Variants in FRAS1 observed in about 807,000 individuals in gnomAD.
FRAS1 encodes extracellular matrix organizing protein FRAS1.
A neutral mutation model predicts 435.2 loss-of-function variants in FRAS1; 290 were observed. The observed-to-expected ratio is 0.67, with a 90% confidence interval of 0.61 to 0.73. The LOEUF (loss-of-function observed/expected upper bound fraction) is 0.73. FRAS1 is among the 30% of genes least tolerant of loss of function. The probability of loss-of-function intolerance (pLI) is 0.00; values close to 1 mark genes in which losing one functional copy is unlikely to be tolerated. For missense variants in FRAS1, 4,860 were observed against 5,001.5 expected (o/e 0.97, Z 0.85); for synonymous variants, 1,800 against 1,851.0 (o/e 0.97, Z 0.71).
intron 32 of FRAS1, among the ~76,000 whole-genome samples, chr4:78,415,213 A>G (rs1733503729): frequency 6.6e-6 from 1 of 152,146 alleles, no homozygotes; most frequent in Admixed American, 6.6e-5. Flanking sequence ...TTCCTGAATT[A>G]CTTCACTTAG....
chr4:78,264,874 TC>T, intron 6 of FRAS1, 150 bp from the exon 7 acceptor site: 1 of 696,964 alleles, frequency 1.4e-6, no homozygotes, highest in Non-Finnish European at 2.6e-6. Flanking sequence ...CTTATCAGAG[TC>T]CCAGGTGACT....
At chr4:78,148,307 A>C (rs1720502268) in intron 2 of FRAS1, among the ~76,000 whole-genome samples, 2 of 152,204 alleles carry the variant, frequency 1.3e-5, no homozygotes, top group African/African-American at 4.8e-5. Context: ...AAAGGCTGTT[A>C]CTTGTCCAAG....
intron 50 of FRAS1, among the ~76,000 whole-genome samples, chr4:78,469,735 C>CTTG (rs529520900): frequency 0.044 from 6,637 of 151,776 alleles, 518 homozygotes; most frequent in African/African-American, 0.15. Flanking sequence ...AAGAATGCCA[C>CTTG]TTGTTGTTGT....
chr4:78,433,103 C>T (rs567676683), intron 38 of FRAS1, among the ~76,000 whole-genome samples: 14 of 152,286 alleles, frequency 9.2e-5, no homozygotes, highest in Non-Finnish European at 1.5e-4. Context: ...CCAGCCAGTT[C>T]ACTGACTCAC....
At chr4:78,111,678 A>G (rs1742707237) in intron 2 of FRAS1, among the ~76,000 whole-genome samples, 1 of 124,920 alleles carries the variant, frequency 8.0e-6, no homozygotes, top group Non-Finnish European at 1.7e-5. Flanking sequence ...GGTGCAGCGC[A>G]CCAGCATGGC....
At position 78,500,334 on chromosome 4, in the gene FRAS1, T is replaced by C. The variant is rs17003288; in HGVS notation, c.9316+413T>C. On this transcript the variant is annotated intron_variant, in intron 61 of 73. Coordinates refer to ENST00000512123, the MANE Select transcript of FRAS1 (RefSeq NM_025074.7). Reference sequence around the variant, plus strand: ...TGTGTTCAAGTGGTTTAATATCTGCTAGGAAACAGGATACCCAGTTTTGGA... The same window carrying C: ...TGTGTTCAAGTGGTTTAATATCTGCCAGGAAACAGGATACCCAGTTTTGGA... 3.8e-3 allele frequency among the ~76,000 whole-genome samples: 580 copies of C among 152,300 alleles called. 2 individuals are homozygous for C. Among genetic ancestry groups the C allele is most frequent in the African/African-American group, 0.013 (526 of 41,562 alleles).
chr4:78,298,202 T>C (rs1728238356), intron 14 of FRAS1, among the ~76,000 whole-genome samples: 4 of 149,202 alleles, frequency 2.7e-5, no homozygotes, highest in Admixed American at 6.7e-5. Flanking sequence ...AGATATATAC[T>C]TAGCCTTATA....
chr4:78,445,935 AT>A (rs768244065), intron 42 of FRAS1: 1 of 1,315,648 alleles, frequency 7.6e-7, no homozygotes, highest in Non-Finnish European at 9.6e-7. Flanking sequence ...GATTGAATTT[AT>A]TTGTTCGGTG....
chr4:78,378,648 C>T (rs931120717), intron 26 of FRAS1, among the ~76,000 whole-genome samples: 9 of 152,270 alleles, frequency 5.9e-5, no homozygotes, highest in East Asian at 3.9e-4. Context: ...TGCTCATGTG[C>T]TTATTGGCCT....
At chr4:78,226,358 A>T (rs1430179596) in intron 2 of FRAS1, among the ~76,000 whole-genome samples, 1 of 152,000 alleles carries the variant, frequency 6.6e-6, no homozygotes, top group East Asian at 1.9e-4. Flanking sequence ...AACTTCCTTT[A>T]GTATTGTTTT....
At chr4:78,479,096 G>A (rs761434018) in intron 55 of FRAS1, among the ~76,000 whole-genome samples, 1 of 152,174 alleles carries the variant, frequency 6.6e-6, no homozygotes, top group Non-Finnish European at 1.5e-5. Context: ...GGTCTTAGAT[G>A]GTGGGCAATG....
intron 52 of FRAS1, 101 bp downstream of exon 52, chr4:78,472,431 C>A: frequency 2.0e-6 from 2 of 1,017,518 alleles, no homozygotes; most frequent in East Asian, 2.7e-5. Context: ...CTACTTATGC[C>A]CAAGTAACCA....
chr4:78,140,059 A>G (rs1022961047), intron 2 of FRAS1, among the ~76,000 whole-genome samples: 1 of 152,180 alleles, frequency 6.6e-6, no homozygotes, highest in African/African-American at 2.4e-5. Flanking sequence ...ATAAAAGAAT[A>G]GTGTAATGAA....
At chr4:78,406,177 A>C (rs576801966) in intron 30 of FRAS1, among the ~76,000 whole-genome samples, 35 of 152,354 alleles carry the variant, frequency 2.3e-4, no homozygotes, top group Admixed American at 8.5e-4. Flanking sequence ...CTTCATGATC[A>C]GATTCAAATC....
At chr4:78,305,433 C>T (rs1342614740) in intron 14 of FRAS1, among the ~76,000 whole-genome samples, 10 of 150,304 alleles carry the variant, frequency 6.7e-5, no homozygotes, top group East Asian at 1.9e-4. Context: ...CTTTCTGTCT[C>T]GTTGATCTGT....
chr4:78,527,293 G>A (rs1305331592), intron 70 of FRAS1, among the ~76,000 whole-genome samples: 1 of 151,540 alleles, frequency 6.6e-6, no homozygotes, highest in Non-Finnish European at 1.5e-5. Flanking sequence ...ATTCACCTCA[G>A]ACCTGAGACT....
At chr4:78,322,933 T>TAATGAATG (rs1368530490) in intron 18 of FRAS1, among the ~76,000 whole-genome samples, 1 of 152,120 alleles carries the variant, frequency 6.6e-6, no homozygotes, top group Non-Finnish European at 1.5e-5. Flanking sequence ...AGATAATAAA[T>TAATGAATG]AATGAATGAA....
chr4:78,058,716 A>G (rs1578096910), intron 1 of FRAS1, among the ~76,000 whole-genome samples: 1 of 151,598 alleles, frequency 6.6e-6, no homozygotes, highest in Non-Finnish European at 1.5e-5. Flanking sequence ...CTTTTACTTC[A>G]CCCTCCGCCT....
chr4:78,483,940 G>T (rs1199882550), intron 58 of FRAS1, among the ~76,000 whole-genome samples: 1 of 151,682 alleles, frequency 6.6e-6, no homozygotes, highest in Non-Finnish European at 1.5e-5. Flanking sequence ...CGTCCTTAGT[G>T]TACAGTTCTA....
Sources: gnomAD v4.1 joint callset for allele counts (sites outside exome capture counted in the v4.1 genomes callset) on GRCh38, gnomAD v4.1.1 for gene constraint, MANE v1.5 for transcripts, NCBI Gene and HGNC (gene_info 2026-07-23, HGNC 2026-07-21) for gene names.